CS: variants seen among roughly 807,000 people sequenced by gnomAD.
CS encodes citrate synthase.
Under a neutral mutation model 61.4 loss-of-function variants are expected in CS, and 13 were observed. That is an observed-to-expected ratio of 0.21 (90% CI 0.14 to 0.34). The LOEUF is 0.34. CS is among the 10% of genes least tolerant of loss of function. The pLI, the probability that CS is intolerant of heterozygous loss-of-function variation, is 1.00. For missense variants in CS, 278 were observed against 573.4 expected (o/e 0.48, Z 5.26); for synonymous variants, 159 against 215.2 (o/e 0.74, Z 2.29).
intron 1 of CS, among the ~76,000 whole-genome samples, chr12:56,287,082 T>C (rs894446543): frequency 2.6e-5 from 4 of 152,220 alleles, no homozygotes; most frequent in Non-Finnish European, 4.4e-5. Context: ...ACGGTACTTC[T>C]GACCCTCCTG....
At chr12:56,291,348 T>A in intron 1 of CS, 1 of 901,940 alleles carries the variant, frequency 1.1e-6, no homozygotes, top group Non-Finnish European at 1.3e-6. Flanking sequence ...TTTCTTTCTT[T>A]CTTTCTTTTT....
At chr12:56,289,197 G>A (rs1362667323) in intron 1 of CS, among the ~76,000 whole-genome samples, 1 of 152,176 alleles carries the variant, frequency 6.6e-6, no homozygotes, top group Non-Finnish European at 1.5e-5. Flanking sequence ...CAAACAGGAA[G>A]CTGAACCCAG....
intron 1 of CS, among the ~76,000 whole-genome samples, chr12:56,299,434 C>T (rs890996304): frequency 1.8e-4 from 27 of 152,180 alleles, no homozygotes; most frequent in African/African-American, 5.1e-4. Flanking sequence ...GTGACCTTGG[C>T]ATTAGTATCT....
chr12:56,292,753 A>AAAAAAAAG (rs1873168458), intron 1 of CS, among the ~76,000 whole-genome samples: 2 of 148,082 alleles, frequency 1.4e-5, no homozygotes, highest in Non-Finnish European at 3.0e-5. Flanking sequence ...AAAAAAAAAA[A>AAAAAAAAG]ATTAGCCGGG....
At chr12:56,291,870 T>C (rs1873134791) in intron 1 of CS, 1 of 152,218 alleles carries the variant, frequency 6.6e-6, no homozygotes, top group Non-Finnish European at 1.5e-5. Context: ...CAGTATTCTC[T>C]ATAGGGTGGA....
chr12:56,286,087 G>A (rs1872931780), intron 2 of CS, 64 bp from the exon 3 acceptor site: 3 of 1,411,688 alleles, frequency 2.1e-6, no homozygotes, highest in African/African-American at 1.4e-5. Context: ...CTGCAAAGTA[G>A]GTGTGTCAAG....
chr12:56,273,383 A>G (rs1371605097), intron 10 of CS, 129 bp from the exon 11 acceptor site: 8 of 1,076,808 alleles, frequency 7.4e-6, no homozygotes, highest in Non-Finnish European at 1.1e-5. Flanking sequence ...TCAACCTTAA[A>G]TAGAAATGAC....
chr12:56,275,223 A>C (rs1317386704), intron 7 of CS, 92 bp from the exon 8 acceptor site: 16 of 1,487,732 alleles, frequency 1.1e-5, no homozygotes, highest in Non-Finnish European at 1.3e-5. Context: ...TTACTAGCCT[A>C]GTTATGGGCT....
At chr12:56,298,406 C>T (rs1237732012) in intron 1 of CS, among the ~76,000 whole-genome samples, 1 of 152,146 alleles carries the variant, frequency 6.6e-6, no homozygotes, top group African/African-American at 2.4e-5. Flanking sequence ...GTAGCTCTGT[C>T]ATCCCAAAAG....
chr12:56,285,253 G>C (rs372375519), intron 3 of CS: 1 of 447,432 alleles, frequency 2.2e-6, no homozygotes, highest in African/African-American at 2.0e-5. Context: ...GCCTGGAAAT[G>C]AAATTTTTTA....
intron 1 of CS, among the ~76,000 whole-genome samples, chr12:56,287,868 C>T (rs1036781135): frequency 2.6e-5 from 4 of 151,970 alleles, no homozygotes; most frequent in African/African-American, 4.8e-5. Context: ...ATGTTGGCCA[C>T]GCTGGTCTCA....
intron 1 of CS, 144 bp downstream of exon 1, chr12:56,300,016 G>C: frequency 1.4e-6 from 1 of 724,862 alleles, no homozygotes; most frequent in Admixed American, 3.3e-5. Context: ...GTAGCTTCAC[G>C]CAGGGCTGGC....
chr12:56,292,610 C>G (rs975278629), intron 1 of CS, among the ~76,000 whole-genome samples: 1 of 150,816 alleles, frequency 6.6e-6, no homozygotes, highest in Non-Finnish European at 1.5e-5. Flanking sequence ...GATGGCCTGG[C>G]GCGGTGGCTC....
intron 1 of CS, among the ~76,000 whole-genome samples, chr12:56,287,814 T>C (rs962296209): frequency 5.3e-5 from 8 of 151,934 alleles, no homozygotes; most frequent in African/African-American, 1.7e-4. Flanking sequence ...ACCACCATGC[T>C]TGGCTAATTT....
chr12:56,290,405 G>A (rs866000880), intron 1 of CS, among the ~76,000 whole-genome samples: 3 of 151,724 alleles, frequency 2.0e-5, no homozygotes, highest in Non-Finnish European at 2.9e-5. Context: ...TAGAGATGGG[G>A]TTTCACTATG....
At chr12:56,282,634 A>T in intron 5 of CS, 26 bp from the exon 6 acceptor site, 1 of 1,583,058 alleles carries the variant, frequency 6.3e-7, no homozygotes. Flanking sequence ...CAGTGCTCAG[A>T]ACACCAGCAA....
intron 1 of CS, 162 bp downstream of exon 1, chr12:56,299,998 A>G (rs1470044990): frequency 4.8e-6 from 3 of 627,188 alleles, no homozygotes; most frequent in South Asian, 2.1e-5. Context: ...AGCGCGGCAC[A>G]TGGTCCTGTA....
At chr12:56,288,695 C>T (rs887418375) in intron 1 of CS, among the ~76,000 whole-genome samples, 1 of 151,962 alleles carries the variant, frequency 6.6e-6, no homozygotes, top group Non-Finnish European at 1.5e-5. Context: ...TTCCCCCAGG[C>T]TGGAGTATAG....
chr12:56,295,951 CAAAAAAAAAAAAAAAAAA>C (rs71081343), intron 1 of CS, among the ~76,000 whole-genome samples: 5 of 40,484 alleles, frequency 1.2e-4, no homozygotes, highest in South Asian at 1.7e-3. Context: ...GAAACTGTCT[CAAAAAAAAAAAAAAAAAA>C]AAAAAAAAAA....
Sources: gnomAD v4.1 joint callset for allele counts (sites outside exome capture counted in the v4.1 genomes callset) on GRCh38, gnomAD v4.1.1 for gene constraint, MANE v1.5 for transcripts, NCBI Gene and HGNC (gene_info 2026-07-23, HGNC 2026-07-21) for gene names.